Variants in NR2F1-AS1 observed in about 807,000 individuals in gnomAD.
NR2F1-AS1 encodes NR2F1 antisense RNA 1.
intron 4 of NR2F1-AS1, among the ~76,000 whole-genome samples, chr5:93,547,807 A>G (rs1752123686): frequency 6.6e-6 from 1 of 152,216 alleles, no homozygotes; most frequent in Non-Finnish European, 1.5e-5. Flanking sequence ...CAGTGTTAAC[A>G]TACAAAACTA....
At chr5:93,481,262 G>T (rs1314404400) in intron 4 of NR2F1-AS1, among the ~76,000 whole-genome samples, 2 of 151,902 alleles carry the variant, frequency 1.3e-5, no homozygotes, top group Non-Finnish European at 2.9e-5. Flanking sequence ...AAAAACTATT[G>T]CAAAAGACAA....
At chr5:93,553,126 CT>C (rs759720424) in intron 4 of NR2F1-AS1, among the ~76,000 whole-genome samples, 5,420 of 133,728 alleles carry the variant, frequency 0.041, 190 homozygotes, top group African/African-American at 0.14. Context: ...CAGTAATACA[CT>C]TTTTTTTTTT....
At chr5:93,563,474 A>G (rs1752541171) in intron 1 of NR2F1-AS1, 1 of 152,230 alleles carries the variant, frequency 6.6e-6, no homozygotes, top group Non-Finnish European at 1.5e-5. Flanking sequence ...CTGGAGAAAC[A>G]CAGGGAAATT....
chr5:93,499,273 T>G (rs925809719), intron 4 of NR2F1-AS1, among the ~76,000 whole-genome samples: 4 of 152,204 alleles, frequency 2.6e-5, no homozygotes, highest in African/African-American at 4.8e-5. Flanking sequence ...CATATCTCAC[T>G]TTACTGTGCT....
chr5:93,462,355 C>T (rs918882368), intron 4 of NR2F1-AS1, among the ~76,000 whole-genome samples: 1 of 152,194 alleles, frequency 6.6e-6, no homozygotes, highest in African/African-American at 2.4e-5. Context: ...TGAGATGTGC[C>T]TTTTACCCTC....
At chr5:93,479,460 G>A (rs1750554880) in intron 4 of NR2F1-AS1, among the ~76,000 whole-genome samples, 1 of 152,106 alleles carries the variant, frequency 6.6e-6, no homozygotes, top group Non-Finnish European at 1.5e-5. Context: ...CACATAACAA[G>A]GAATATAGTT....
At chr5:93,423,761 A>T (rs1749139547) in intron 4 of NR2F1-AS1, among the ~76,000 whole-genome samples, 1 of 152,184 alleles carries the variant, frequency 6.6e-6, no homozygotes, top group African/African-American at 2.4e-5. Context: ...GCCAAGTACT[A>T]TACTTTCATG....
chr5:93,584,289 A>C (rs1371792086), upstream of NR2F1-AS1: 1 of 149,054 alleles, frequency 6.7e-6, no homozygotes, highest in Admixed American at 6.7e-5. Context: ...CGGCAGCTCC[A>C]GCGGCGCCTG....
At chr5:93,535,180 C>T (rs1389351989) in intron 4 of NR2F1-AS1, among the ~76,000 whole-genome samples, 5 of 151,150 alleles carry the variant, frequency 3.3e-5, no homozygotes, top group South Asian at 2.1e-4. Flanking sequence ...GAATAAAGGT[C>T]GTACCTTTGC....
intron 4 of NR2F1-AS1, among the ~76,000 whole-genome samples, chr5:93,439,093 G>C (rs1408357768): frequency 6.6e-6 from 1 of 152,138 alleles, no homozygotes; most frequent in Non-Finnish European, 1.5e-5. Flanking sequence ...TAAACTCAAT[G>C]ACTTCCTCTG....
intron 4 of NR2F1-AS1, chr5:93,543,153 T>G (rs1193821120): frequency 6.6e-6 from 1 of 152,188 alleles, no homozygotes; most frequent in Admixed American, 6.5e-5. Flanking sequence ...TCCTAAAAGT[T>G]ATCTTCATTT....
intron 4 of NR2F1-AS1, among the ~76,000 whole-genome samples, chr5:93,492,930 C>T (rs1003581408): frequency 3.3e-5 from 5 of 151,564 alleles, no homozygotes; most frequent in East Asian, 1.9e-4. Context: ...CCATAGCTAA[C>T]ATTATGCTCA....
At chr5:93,559,484 A>G (rs576588238) in intron 2 of NR2F1-AS1, among the ~76,000 whole-genome samples, 1 of 152,262 alleles carries the variant, frequency 6.6e-6, no homozygotes, top group East Asian at 1.9e-4. Context: ...ATTTCCTTCA[A>G]AAACTTCCTT....
chr5:93,426,715 C>A (rs1400528795), intron 4 of NR2F1-AS1, among the ~76,000 whole-genome samples: 1 of 152,120 alleles, frequency 6.6e-6, no homozygotes, highest in Admixed American at 6.6e-5. Flanking sequence ...CAGGGGGTAA[C>A]CACAAGCCCT....
upstream of NR2F1-AS1, chr5:93,584,022 T>C (rs1753176520): frequency 6.6e-6 from 1 of 151,784 alleles, no homozygotes; most frequent in African/African-American, 2.4e-5. Flanking sequence ...CCTTCCTGAA[T>C]GGCTGGCTGC....
At chr5:93,534,014 C>T (rs896439651) in intron 4 of NR2F1-AS1, among the ~76,000 whole-genome samples, 1 of 152,072 alleles carries the variant, frequency 6.6e-6, no homozygotes, top group Non-Finnish European at 1.5e-5. Context: ...ACCCAGGAGG[C>T]GGAGCTGTAG....
chr5:93,491,739 G>A (rs1349770670), intron 4 of NR2F1-AS1, among the ~76,000 whole-genome samples: 1 of 152,150 alleles, frequency 6.6e-6, no homozygotes, highest in Non-Finnish European at 1.5e-5. Flanking sequence ...TGGACATCAA[G>A]GCTCCTGGTT....
chr5:93,545,347 C>G (rs932970626), intron 4 of NR2F1-AS1, among the ~76,000 whole-genome samples: 1 of 152,194 alleles, frequency 6.6e-6, no homozygotes, highest in African/African-American at 2.4e-5. Context: ...GACCTACCCC[C>G]AGTCCCCCAC....
At chr5:93,560,802 G>C (rs1288394505) in intron 2 of NR2F1-AS1, among the ~76,000 whole-genome samples, 1 of 152,122 alleles carries the variant, frequency 6.6e-6, no homozygotes, top group East Asian at 1.9e-4. Context: ...GTTATATCAT[G>C]CAAACAATCT....
Sources: gnomAD v4.1 joint callset for allele counts (sites outside exome capture counted in the v4.1 genomes callset) on GRCh38, gnomAD v4.1.1 for gene constraint, MANE v1.5 for transcripts, NCBI Gene and HGNC (gene_info 2026-07-23, HGNC 2026-07-21) for gene names.